Variants in CWC27 observed in about 807,000 individuals in gnomAD.
CWC27 encodes the protein CWC27 spliceosome associated cyclophilin.
A neutral mutation model predicts 63.6 loss-of-function variants in CWC27; 47 were observed. The observed-to-expected ratio is 0.74, with a 90% confidence interval of 0.58 to 0.94. The LOEUF (loss-of-function observed/expected upper bound fraction) is 0.94, where lower values mean the gene tolerates loss of function less well. CWC27 is among the 40% of genes least tolerant of loss of function. The pLI is 0.00. For synonymous variants in CWC27, 175 were observed against 179.8 expected, an observed-to-expected ratio of 0.97 and a Z score of 0.22; for missense variants, 495 against 554.3, an observed-to-expected ratio of 0.89 and a Z score of 1.07.
intron 11 of CWC27, among the ~76,000 whole-genome samples, chr5:64,939,199 G>A (rs1235912422): frequency 6.6e-6 from 1 of 152,120 alleles, no homozygotes; most frequent in Non-Finnish European, 1.5e-5. Flanking sequence ...TCTGATTTTT[G>A]GAATTTTCAA....
Position 64,820,602 on chromosome 5 carries a change from A to G in CWC27, c.938+16216A>G, listed in dbSNP as rs143873839. 1.5e-4 allele frequency among the ~76,000 whole-genome samples: 23 copies of G among 152,298 alleles called. No individual in the cohort carries two copies. In the East Asian group the frequency reaches 3.9e-3, roughly 26 times the overall value. Reference sequence around the variant, plus strand: ...GAGAGATAGATCAGTGGGACAGAATACAGAGTCCACAAGCAGACCTACACA... The same window carrying G: ...GAGAGATAGATCAGTGGGACAGAATGCAGAGTCCACAAGCAGACCTACACA... On this transcript the variant is annotated intron_variant, in intron 10 of 13. Coordinates refer to ENST00000381070, the MANE Select transcript of CWC27 (RefSeq NM_005869.4).
At chr5:64,876,993 T>C (rs1378762052) in intron 10 of CWC27, among the ~76,000 whole-genome samples, 3 of 152,058 alleles carry the variant, frequency 2.0e-5, no homozygotes, top group African/African-American at 7.2e-5. Context: ...ATAAAAATTT[T>C]CTTATGTAGT....
chr5:64,808,584 G>T (rs968861016), intron 10 of CWC27: 2 of 153,510 alleles, frequency 1.3e-5, no homozygotes, highest in African/African-American at 4.8e-5. Context: ...TCTGGATCTT[G>T]TAAGTAGCTT....
chr5:64,914,787 A>G, intron 11 of CWC27, among the ~76,000 whole-genome samples: 1 of 151,256 alleles, frequency 6.6e-6, no homozygotes, highest in Middle Eastern at 3.2e-3. Flanking sequence ...ACATATGTGC[A>G]CATGTACAGG....
At chr5:64,840,373 AAAAAAAAAAAAAAAAAAAAAAATAT>A (rs1371150537) in intron 10 of CWC27, among the ~76,000 whole-genome samples, 6 of 48,978 alleles carry the variant, frequency 1.2e-4, no homozygotes, top group African/African-American at 1.8e-4. Flanking sequence ...AAAAAAAAAA[AAAAAAAAAAAAAAAAAAAAAAATAT>A]ATATATATAT....
At chr5:64,887,801 T>C (rs2112346833) in intron 11 of CWC27, among the ~76,000 whole-genome samples, 1 of 152,338 alleles carries the variant, frequency 6.6e-6, no homozygotes, top group South Asian at 2.1e-4. Context: ...TAGTCAATTT[T>C]CTACCATTAT....
intron 11 of CWC27, among the ~76,000 whole-genome samples, chr5:64,946,140 A>T (rs1748588497): frequency 6.6e-6 from 1 of 152,162 alleles, no homozygotes; most frequent in Admixed American, 6.6e-5. Flanking sequence ...CAAAATGCTA[A>T]TTAGATTTGT....
chr5:64,958,110 C>T (rs1443235048), intron 11 of CWC27, among the ~76,000 whole-genome samples: 11 of 150,984 alleles, frequency 7.3e-5, no homozygotes, highest in African/African-American at 1.7e-4. Flanking sequence ...TTTTAATTTC[C>T]GACATCTTAA....
chr5:64,840,436 T>TATATATATA, intron 10 of CWC27, among the ~76,000 whole-genome samples: 1 of 112,118 alleles, frequency 8.9e-6, no homozygotes, highest in African/African-American at 3.4e-5. Flanking sequence ...TATATACTTA[T>TATATATATA]TAAGGACATT....
At chr5:64,784,701 G>A (rs1295595828) in intron 4 of CWC27, among the ~76,000 whole-genome samples, 1 of 152,140 alleles carries the variant, frequency 6.6e-6, no homozygotes, top group East Asian at 1.9e-4. Flanking sequence ...TTGGAAAGCT[G>A]GTGTTGTTTT....
At chr5:64,789,976 ATGT>A (rs778268582) in intron 7 of CWC27, among the ~76,000 whole-genome samples, 2 of 152,124 alleles carry the variant, frequency 1.3e-5, no homozygotes, top group Non-Finnish European at 2.9e-5. Context: ...CTTTAGCCAT[ATGT>A]TCCCTTATTA....
chr5:64,772,624 CAAAAAAAAAA>C (rs58675990), intron 1 of CWC27, among the ~76,000 whole-genome samples: 1,204 of 52,010 alleles, frequency 0.023, 15 homozygotes, highest in African/African-American at 0.069. Flanking sequence ...GACTCTGTCT[CAAAAAAAAAA>C]AAAAAAAAAA....
chr5:64,939,217 G>T (rs1410095109), intron 11 of CWC27, among the ~76,000 whole-genome samples: 1 of 152,144 alleles, frequency 6.6e-6, no homozygotes. Context: ...CAACCTTTTT[G>T]TGCTGGTTTT....
chr5:64,821,954 G>A (rs1410377349), intron 10 of CWC27, among the ~76,000 whole-genome samples: 1 of 152,178 alleles, frequency 6.6e-6, no homozygotes, highest in African/African-American at 2.4e-5. Context: ...AGGAACTTTT[G>A]TACACATGGT....
chr5:64,773,437 C>T (rs1048073349), intron 1 of CWC27, among the ~76,000 whole-genome samples: 2 of 152,118 alleles, frequency 1.3e-5, no homozygotes, highest in African/African-American at 2.4e-5. Flanking sequence ...AGATTAGTGG[C>T]TGCCAGAGAG....
chr5:64,850,975 T>C (rs1746117838), intron 10 of CWC27, among the ~76,000 whole-genome samples: 2 of 152,172 alleles, frequency 1.3e-5, no homozygotes. Context: ...AGTACAGCCA[T>C]TATGAAAACT....
chr5:64,960,020 A>T (rs189758151), intron 11 of CWC27, among the ~76,000 whole-genome samples: 244 of 152,232 alleles, frequency 1.6e-3, no homozygotes, highest in African/African-American at 5.8e-3. Flanking sequence ...GCCATAAGGG[A>T]TTCTTCCTAG....
intron 12 of CWC27, chr5:64,972,603 A>T (rs1451935258): frequency 2.4e-6 from 1 of 423,132 alleles, no homozygotes; most frequent in South Asian, 1.7e-5. Flanking sequence ...AGTAAAAGTA[A>T]ATTAAAAAGC....
intron 10 of CWC27, among the ~76,000 whole-genome samples, chr5:64,877,396 A>G (rs555002755): frequency 2.4e-4 from 36 of 152,136 alleles, no homozygotes; most frequent in Admixed American, 2.4e-3. Context: ...AATGATAGAT[A>G]CCAGAGGCAT....
Sources: gnomAD v4.1 joint callset for allele counts (sites outside exome capture counted in the v4.1 genomes callset) on GRCh38, gnomAD v4.1.1 for gene constraint, MANE v1.5 for transcripts, NCBI Gene and HGNC (gene_info 2026-07-23, HGNC 2026-07-21) for gene names.